CNTNAP5: variants seen among roughly 807,000 people sequenced by gnomAD.
CNTNAP5 encodes contactin associated protein family member 5.
In CNTNAP5, 72 loss-of-function variants were observed where a neutral mutation model predicts 150.2. The observed-to-expected ratio is 0.48, with a 90% CI of 0.40 to 0.58. The LOEUF is 0.58. Ranked by LOEUF, CNTNAP5 falls within the 20% of genes least tolerant of loss-of-function variation. CNTNAP5 has a pLI of 0.00. For synonymous variants in CNTNAP5, 672 were observed against 619.8 expected, an observed-to-expected ratio of 1.08 and a Z score of -1.25; for missense variants, 1,636 against 1,626.2, an observed-to-expected ratio of 1.01 and a Z score of -0.10.
In CNTNAP5 at chr2:124,907,372, GCTCT is replaced by G. The variant is rs1047360000; in HGVS notation, c.3656-4088_3656-4085del. ...AATGAGGAGTTCTTATGGAATGTTA[GCTCT>G]CTCTCTATCTCTATATATACATAGA... On this transcript the variant is annotated intron_variant, in intron 22 of 23. Transcript: ENST00000682447. Among the ~76,000 whole-genome samples, 11 of 151,734 alleles carry G rather than the reference GCTCT, an allele frequency of 7.2e-5. No homozygotes were observed. In the South Asian group the frequency reaches 1.9e-3, roughly 26 times the overall value.
chr2:124,503,023 T>A (rs538524295), intron 7 of CNTNAP5, among the ~76,000 whole-genome samples: 7 of 152,196 alleles, frequency 4.6e-5, no homozygotes, highest in African/African-American at 1.7e-4. Context: ...GCCTATCCTA[T>A]TGCCTAGCAC....
intron 1 of CNTNAP5, among the ~76,000 whole-genome samples, chr2:124,104,349 G>A (rs1416374616): frequency 6.6e-6 from 1 of 151,916 alleles, no homozygotes; most frequent in East Asian, 1.9e-4. Context: ...AAGTGTCATT[G>A]AGAAATTTTT....
At chr2:124,786,495 G>GGAA in intron 17 of CNTNAP5, among the ~76,000 whole-genome samples, 1 of 120,392 alleles carries the variant, frequency 8.3e-6, no homozygotes, top group African/African-American at 4.0e-5. Context: ...AGGGAAGGAA[G>GGAA]GGAGGGAAAG....
intron 23 of CNTNAP5, 106 bp downstream of exon 23, chr2:124,911,644 C>T: frequency 2.4e-6 from 2 of 848,542 alleles, no homozygotes; most frequent in South Asian, 1.5e-5. Context: ...CACTCAGAGC[C>T]CCCTACATTA....
At chr2:124,766,628 C>T (rs1681074687) in intron 16 of CNTNAP5, among the ~76,000 whole-genome samples, 1 of 152,100 alleles carries the variant, frequency 6.6e-6, no homozygotes, top group Admixed American at 6.6e-5. Context: ...CCTAACATGG[C>T]CAGTCTCTAA....
chr2:124,271,939 A>G (rs1306246711), intron 3 of CNTNAP5, among the ~76,000 whole-genome samples: 1 of 151,984 alleles, frequency 6.6e-6, no homozygotes, highest in Non-Finnish European at 1.5e-5. Flanking sequence ...GGTCTCCAAT[A>G]CCTGACCTCA....
chr2:124,538,584 GGAAA>G (rs1305306111), intron 10 of CNTNAP5, among the ~76,000 whole-genome samples: 10 of 108,034 alleles, frequency 9.3e-5, no homozygotes, highest in South Asian at 5.5e-4. Flanking sequence ...AAAGAAGGAA[GGAAA>G]GAAAGAAAGG....
rs1390054789 is a variant in CNTNAP5, at chr2:124,917,184, A to G, written c.*2896A>G. Among the ~76,000 whole-genome samples, 1 of 151,946 alleles carries G rather than the reference A, an allele frequency of 6.6e-6. No individual in the cohort carries two copies. The highest frequency in any genetic ancestry group is 2.4e-5 in the African/African-American group (1 of 41,382). ...ACATGCTCTGGCCAACTGGGCCACC[A>G]TGATCTCTTCCACTTAAATCCTCAG... On this transcript the variant is annotated 3_prime_UTR_variant, in exon 24 of 24. Transcript: ENST00000682447.
At chr2:124,707,031 AG>A (rs1679680478) in intron 13 of CNTNAP5, among the ~76,000 whole-genome samples, 1 of 132,266 alleles carries the variant, frequency 7.6e-6, no homozygotes. Flanking sequence ...AAGAAGAAGA[AG>A]AAGAAGAAGG....
chr2:124,627,926 A>G (rs966854908), intron 12 of CNTNAP5, among the ~76,000 whole-genome samples: 35 of 152,226 alleles, frequency 2.3e-4, no homozygotes, highest in African/African-American at 8.4e-4. Context: ...TGCAAACACA[A>G]GTATCAATAG....
intron 3 of CNTNAP5, among the ~76,000 whole-genome samples, chr2:124,410,485 C>T (rs944823128): frequency 3.4e-5 from 5 of 145,266 alleles, no homozygotes; most frequent in African/African-American, 1.0e-4. Flanking sequence ...GGAAGTAAAG[C>T]TCTCCTCAGC....
chr2:124,217,822 A>C lies in CNTNAP5; in HGVS notation c.83-3883A>C, dbSNP rs1457526194. ...TATACTTAAAAGGGGACATTTTCCC[A>C]TCTATTCTTATTCCATCTTTAAAAT... On this transcript the variant is annotated intron_variant, in intron 1 of 23. Coordinates refer to ENST00000682447, the MANE Select transcript of CNTNAP5 (RefSeq NM_001367498.1). Among the ~76,000 whole-genome samples, 3 of 152,166 alleles carry C rather than the reference A, an allele frequency of 2.0e-5. No individual in the cohort carries two copies. The South Asian group carries it at 6.2e-4, about 31-fold the overall frequency.
intron 1 of CNTNAP5, among the ~76,000 whole-genome samples, chr2:124,219,471 G>T (rs1686246483): frequency 6.6e-6 from 1 of 152,092 alleles, no homozygotes; most frequent in Non-Finnish European, 1.5e-5. Flanking sequence ...GTGATTTCTT[G>T]TTAAGTAGTG....
In CNTNAP5 at chr2:124,233,785, T is replaced by TTATATA. The variant is rs375601691; in HGVS notation, c.188-8401_188-8396dup. ...GTCCATAGTTGTGATGCCTGTGAGT[T>TTATATA]TATATATATATATATATATTATTTT... On this transcript the variant is annotated intron_variant, in intron 2 of 23. Transcript: ENST00000682447. Among the ~76,000 whole-genome samples, 993 of 147,280 alleles carry TTATATA rather than the reference T, an allele frequency of 6.7e-3. 3 individuals are homozygous for TTATATA. Among genetic ancestry groups the TTATATA allele is most frequent in the Non-Finnish European group, 0.01 (698 of 66,810 alleles).
chr2:124,428,609 C>T (rs1692296576), intron 4 of CNTNAP5, among the ~76,000 whole-genome samples: 1 of 151,542 alleles, frequency 6.6e-6, no homozygotes, highest in African/African-American at 2.4e-5. Context: ...TTCAGAGCAA[C>T]ATTTAAGGAA....
At chr2:124,894,090 G>T (rs942559217) in intron 21 of CNTNAP5, among the ~76,000 whole-genome samples, 11 of 152,104 alleles carry the variant, frequency 7.2e-5, no homozygotes, top group African/African-American at 2.7e-4. Context: ...ACTGACTGTT[G>T]GTTGCCTACC....
chr2:124,133,114 G>T (rs954692632), intron 1 of CNTNAP5, among the ~76,000 whole-genome samples: 1 of 152,300 alleles, frequency 6.6e-6, no homozygotes, highest in African/African-American at 2.4e-5. Flanking sequence ...AAATAGGCTA[G>T]TTATCATAAT....
At chr2:124,343,418 A>G (rs1310727099) in intron 3 of CNTNAP5, among the ~76,000 whole-genome samples, 1 of 152,026 alleles carries the variant, frequency 6.6e-6, no homozygotes, top group Non-Finnish European at 1.5e-5. Flanking sequence ...TTTTAGGGGG[A>G]ATTTTAGAGA....
chr2:124,075,735 G>A (rs1331078782), intron 1 of CNTNAP5, among the ~76,000 whole-genome samples: 1 of 152,122 alleles, frequency 6.6e-6, no homozygotes, highest in Admixed American at 6.6e-5. Flanking sequence ...CTGATTAGCA[G>A]ATACCCAGTC....
Sources: gnomAD v4.1 joint callset for allele counts (sites outside exome capture counted in the v4.1 genomes callset) on GRCh38, gnomAD v4.1.1 for gene constraint, MANE v1.5 for transcripts, NCBI Gene and HGNC (gene_info 2026-07-23, HGNC 2026-07-21) for gene names.